DPY19L4: variants seen among roughly 807,000 people sequenced by gnomAD.
The protein encoded by DPY19L4 is dpy-19 like 4, also known as probable C-mannosyltransferase DPY19L4.
A neutral mutation model predicts 102.8 loss-of-function variants in DPY19L4; 97 were observed. That is an observed-to-expected ratio of 0.94 (90% CI 0.80 to 1.12). The LOEUF (loss-of-function observed/expected upper bound fraction) is 1.12, where lower values mean the gene tolerates loss of function less well. Ranked by LOEUF, DPY19L4 falls within the 50% of genes most tolerant of loss-of-function variation. The pLI, the probability that DPY19L4 is intolerant of heterozygous loss-of-function variation, is 0.00. For synonymous variants in DPY19L4, 252 were observed against 283.1 expected (o/e 0.89, Z 1.10); for missense variants, 815 against 850.4 (o/e 0.96, Z 0.52).
intron 2 of DPY19L4, 107 bp downstream of exon 2, chr8:94,726,548 G>A: frequency 1.1e-6 from 1 of 910,934 alleles, no homozygotes; most frequent in Non-Finnish European, 1.6e-6. Flanking sequence ...TTAAGTATAT[G>A]CTCAGCTTTC....
chr8:94,792,206 C>G lies in DPY19L4; in HGVS notation c.*2296C>G, dbSNP rs1224864960. 6.6e-6 allele frequency: 1 copy of G among 152,042 alleles called. No individual in the cohort carries two copies. The highest frequency in any genetic ancestry group is 2.4e-5 in the African/African-American group (1 of 41,442). The allele number at this position is 152,042 out of a possible 1,614,324, so 9.4% of individuals were successfully genotyped here. On this transcript the variant is annotated 3_prime_UTR_variant, in exon 19 of 19. Coordinates refer to ENST00000414645, the MANE Select transcript of DPY19L4 (RefSeq NM_181787.3). ...CCTTGATACTGCAAACCCACTGATA[C>G]AAGTGCCTTGAATTTATTATTATTA...
chr8:94,764,713 A>G (rs898014207), intron 8 of DPY19L4, among the ~76,000 whole-genome samples: 1 of 58,394 alleles, frequency 1.7e-5, no homozygotes, highest in African/African-American at 9.0e-5. Flanking sequence ...ATATATATAT[A>G]TATATTTTTT....
rs1325558708 is a variant in DPY19L4 at position 94,789,736 on chromosome 8, C to T, written c.2008-10C>T. 3.8e-6 allele frequency: 6 copies of T among 1,583,106 alleles called. No individual in the cohort carries two copies. The highest frequency in any genetic ancestry group is 4.3e-6 in the Non-Finnish European group (5 of 1,166,986). On this transcript the variant is annotated splice_polypyrimidine_tract_variant and intron_variant, in intron 18 of 18. Transcript: ENST00000414645. Reference sequence around the variant, plus strand: ...AGCTTTTTAATATTATGTTTTATATCTTTTAATAGATGGTTTGTGAAGAAG... The same window carrying T: ...AGCTTTTTAATATTATGTTTTATATTTTTTAATAGATGGTTTGTGAAGAAG...
At chr8:94,750,355 C>T (rs886853278) in intron 6 of DPY19L4, among the ~76,000 whole-genome samples, 1 of 152,164 alleles carries the variant, frequency 6.6e-6, no homozygotes, top group African/African-American at 2.4e-5. Context: ...ATTAACTGTT[C>T]TTGAAGTATG....
At chr8:94,734,522 G>A (rs1586321017) in intron 2 of DPY19L4, 108 bp from the exon 3 acceptor site, 8 of 1,114,422 alleles carry the variant, frequency 7.2e-6, no homozygotes, top group South Asian at 1.6e-5. Flanking sequence ...AATTAGACTC[G>A]AGTTGTGGGT....
Position 94,746,054 on chromosome 8 carries a change from ATTTT to A in DPY19L4, c.611+6286_611+6289del, listed in dbSNP as rs35095979. 8.7e-3 allele frequency among the ~76,000 whole-genome samples: 586 copies of A among 67,086 alleles called. 4 individuals are homozygous for A. The Middle Eastern group carries it at 0.13, about 15-fold the overall frequency. The allele number at this position is 67,086 out of a possible 152,430, so 44.0% of individuals were successfully genotyped here. A position where few individuals can be genotyped will look rare whatever the true frequency, so the allele number is the denominator to read the frequency against. The stretch of plus-strand genomic sequence containing the variant: ...CAGGCGTGAGCCACCATGCCTGGCC[ATTTT>A]TTTTTTTTTTTTTTTTTTTTTCAGA... On this transcript the variant is annotated intron_variant, in intron 6 of 18. Coordinates refer to ENST00000414645, the MANE Select transcript of DPY19L4 (RefSeq NM_181787.3).
chr8:94,766,517 G>T, intron 10 of DPY19L4, 95 bp from the exon 11 acceptor site: 1 of 1,142,736 alleles, frequency 8.8e-7, no homozygotes, highest in Admixed American at 2.5e-5. Flanking sequence ...TTGTTTTGTA[G>T]TCTTGTTGTG....
At chr8:94,756,557 G>A (rs1812171628) in intron 7 of DPY19L4, among the ~76,000 whole-genome samples, 1 of 152,184 alleles carries the variant, frequency 6.6e-6, no homozygotes, top group Non-Finnish European at 1.5e-5. Flanking sequence ...TAACTTGAAT[G>A]GCAGCACTGC....
chr8:94,773,506 A>C (rs1443643180), intron 13 of DPY19L4, among the ~76,000 whole-genome samples: 1 of 151,088 alleles, frequency 6.6e-6, no homozygotes, highest in African/African-American at 2.4e-5. Flanking sequence ...ATCTTGGCTC[A>C]CTGCAACCTC....
chr8:94,756,605 A>G (rs1364981694), intron 7 of DPY19L4, among the ~76,000 whole-genome samples: 1 of 152,198 alleles, frequency 6.6e-6, no homozygotes, highest in African/African-American at 2.4e-5. Flanking sequence ...TGACTGAGGT[A>G]TAGGTAGGTT....
intron 16 of DPY19L4, among the ~76,000 whole-genome samples, chr8:94,783,459 A>G (rs543882473): frequency 1.1e-4 from 12 of 105,912 alleles, no homozygotes; most frequent in African/African-American, 3.9e-4. Flanking sequence ...CTTTTTAGAA[A>G]AGTTTCTATA....
Position 94,722,894 on chromosome 8 carries a change from A to T in DPY19L4, c.16+2880A>T, listed in dbSNP as rs555254786. ...CTCTGGGAATCTGGTCTTTAAAAAAATGTCTTCCTTGATGCAGTAGAGGGC... is the reference window on the plus strand; with the variant it reads ...CTCTGGGAATCTGGTCTTTAAAAAATTGTCTTCCTTGATGCAGTAGAGGGC... On this transcript the variant is annotated intron_variant, in intron 1 of 18. Transcript: ENST00000414645. Among the ~76,000 whole-genome samples, 6 of 152,322 alleles carry T rather than the reference A, an allele frequency of 3.9e-5. 1 individual carries two copies. Among genetic ancestry groups the T allele is most frequent in the African/African-American group, 1.4e-4 (6 of 41,582 alleles).
At chr8:94,730,933 C>T (rs189186417) in intron 2 of DPY19L4, among the ~76,000 whole-genome samples, 21 of 149,068 alleles carry the variant, frequency 1.4e-4, no homozygotes, top group Non-Finnish European at 2.2e-4. Context: ...TTAGTAGAGA[C>T]GGGGTTTCTC....
intron 2 of DPY19L4, among the ~76,000 whole-genome samples, chr8:94,729,978 GA>G (rs59845500): frequency 2.7e-5 from 4 of 148,516 alleles, no homozygotes; most frequent in East Asian, 3.9e-4. Flanking sequence ...GGAAAGTAGA[GA>G]AAAAAAAACC....
At chr8:94,788,444 G>A (rs1447397554) in intron 18 of DPY19L4, among the ~76,000 whole-genome samples, 1 of 152,114 alleles carries the variant, frequency 6.6e-6, no homozygotes, top group Non-Finnish European at 1.5e-5. Context: ...GAAATTTCTT[G>A]TAATTTGATT....
chr8:94,733,605 G>A (rs376128308), intron 2 of DPY19L4, among the ~76,000 whole-genome samples: 1 of 151,742 alleles, frequency 6.6e-6, no homozygotes, highest in Non-Finnish European at 1.5e-5. Context: ...GCAGTGGCAC[G>A]CTCTCTGCTC....
Position 94,774,389 on chromosome 8 carries a change from A to T in DPY19L4, c.1455-3277A>T, listed in dbSNP as rs1334093853. On this transcript the variant is annotated intron_variant, in intron 13 of 18. Transcript: ENST00000414645. ...AAATTATGATAAAGAAGTACATAAC[A>T]TAAAATCTACCATCTTAATGTTTTT... Among the ~76,000 whole-genome samples, 3 of 151,402 alleles carry T rather than the reference A, an allele frequency of 2.0e-5. No homozygotes were observed. In the South Asian group the frequency reaches 6.2e-4, roughly 31 times the overall value.
At chr8:94,754,029 A>C (rs1238108474) in intron 6 of DPY19L4, among the ~76,000 whole-genome samples, 2 of 152,100 alleles carry the variant, frequency 1.3e-5, no homozygotes, top group African/African-American at 4.8e-5. Context: ...TAAAAATACA[A>C]AAAATTAGAT....
In DPY19L4 at chr8:94,793,602, TA is replaced by T. The variant is rs1813938138; in HGVS notation, c.*3693del. 1.3e-5 allele frequency: 2 copies of T among 152,198 alleles called. No homozygotes were observed. The highest frequency in any genetic ancestry group is 1.3e-4 in the Admixed American group (2 of 15,282). The allele number at this position is 152,198 out of a possible 1,614,324, so 9.4% of individuals were successfully genotyped here. A position where few individuals can be genotyped will look rare whatever the true frequency, so the allele number is the denominator to read the frequency against. ...AGTCTCTATTGTTGCTGTTTACTAA[TA>T]GTTTTAGATCCCAATGTGTATTAGA... is the stretch of plus-strand genomic sequence containing the variant. On this transcript the variant is annotated 3_prime_UTR_variant, in exon 19 of 19. Transcript: ENST00000414645.
Sources: gnomAD v4.1 joint callset for allele counts (sites outside exome capture counted in the v4.1 genomes callset) on GRCh38, gnomAD v4.1.1 for gene constraint, MANE v1.5 for transcripts, NCBI Gene and HGNC (gene_info 2026-07-23, HGNC 2026-07-21) for gene names.